PPARGC1A: variants seen among roughly 807,000 people sequenced by gnomAD.
PPARGC1A encodes the protein peroxisome proliferator-activated receptor gamma coactivator 1-alpha.
In PPARGC1A, 25 loss-of-function variants were observed where a neutral mutation model predicts 88.7. The ratio of observed to expected loss-of-function variants is 0.28; its 90% CI spans 0.21 to 0.39. The LOEUF is 0.39. Ranked by LOEUF, PPARGC1A falls within the 10% of genes least tolerant of loss-of-function variation. The pLI is 1.00. For missense variants in PPARGC1A, 880 were observed against 968.7 expected (o/e 0.91, Z 1.22); for synonymous variants, 363 against 355.6 (o/e 1.02, Z -0.24).
At chr4:24,021,696 T>C in the PPARGC1A span, among the ~76,000 whole-genome samples, 2 of 152,190 alleles carry the variant, frequency 1.3e-5, no homozygotes, top group Non-Finnish European at 2.9e-5. Flanking sequence ...TCATCACCTC[T>C]AAAAGGAAGC....
chr4:24,116,671 C>T, the PPARGC1A span, among the ~76,000 whole-genome samples: 1 of 152,258 alleles, frequency 6.6e-6, no homozygotes. Context: ...CATGCAAAGG[C>T]TCAGAAGCAA....
At chr4:24,351,378 G>C in the PPARGC1A span, among the ~76,000 whole-genome samples, 3 of 150,044 alleles carry the variant, frequency 2.0e-5, no homozygotes, top group African/African-American at 7.4e-5. Context: ...TTGGACAACA[G>C]GTGAGATCCT....
At chr4:24,343,181 C>T in the PPARGC1A span, among the ~76,000 whole-genome samples, 15 of 152,288 alleles carry the variant, frequency 9.8e-5, no homozygotes, top group African/African-American at 3.6e-4. Context: ...GTTCTGTGCC[C>T]ATACTTCCCA....
the PPARGC1A span, among the ~76,000 whole-genome samples, chr4:24,413,240 AT>A: frequency 7.2e-4 from 101 of 141,030 alleles, 1 homozygote; most frequent in Middle Eastern, 3.7e-3. Context: ...GCCTGGCTTC[AT>A]TTTTTTTTTT....
At chr4:24,359,435 C>T in the PPARGC1A span, among the ~76,000 whole-genome samples, 1 of 152,160 alleles carries the variant, frequency 6.6e-6, no homozygotes, top group African/African-American at 2.4e-5. Context: ...TGTCCAATTG[C>T]CCACATGCCA....
At chr4:24,036,898 C>T in the PPARGC1A span, among the ~76,000 whole-genome samples, 1 of 152,180 alleles carries the variant, frequency 6.6e-6, no homozygotes, top group African/African-American at 2.4e-5. Context: ...GTACTTAGAA[C>T]AACGTCAGGT....
the PPARGC1A span, among the ~76,000 whole-genome samples, chr4:24,456,148 G>T: frequency 6.6e-6 from 1 of 152,220 alleles, no homozygotes. Context: ...GTGAAAGATT[G>T]ATGGGAGAAT....
At chr4:24,097,957 A>C in the PPARGC1A span, among the ~76,000 whole-genome samples, 5 of 152,162 alleles carry the variant, frequency 3.3e-5, no homozygotes, top group East Asian at 5.8e-4. Context: ...ATTCATTTGC[A>C]TTTGTCCCGG....
chr4:23,910,323 TATTATATATTATATATATTATATATTA>T, the PPARGC1A span, among the ~76,000 whole-genome samples: 3 of 53,312 alleles, frequency 5.6e-5, no homozygotes, highest in East Asian at 9.9e-4. Context: ...ATATTATATA[TATTATATATTATATATATTATATATTA>T]TATATATTAT....
the PPARGC1A span, among the ~76,000 whole-genome samples, chr4:24,452,715 C>A: frequency 0.29 from 43,963 of 152,094 alleles, 8,306 homozygotes; most frequent in African/African-American, 0.53. Flanking sequence ...GCTGGAAACA[C>A]AAGGATAAAT....
the PPARGC1A span, among the ~76,000 whole-genome samples, chr4:24,128,942 C>G: frequency 1.3e-5 from 2 of 152,194 alleles, no homozygotes; most frequent in Non-Finnish European, 2.9e-5. Flanking sequence ...ACACCCTTCA[C>G]TCTCTGAGTA....
rs58772979 is a variant in PPARGC1A, at chr4:23,813,787, G to A, written c.1696C>T (p.Arg566Cys). 2,810 of 1,612,860 alleles carry A rather than the reference G, an allele frequency of 1.7e-3. 34 individuals are homozygous for A. The African/African-American group carries it at 0.025, about 15-fold the overall frequency. The change falls in exon 8 of 13, where the codon CGC (arginine) becomes TGC (cysteine). Residue 566 changes from arginine to cysteine, a missense_variant. Transcript: ENST00000264867. ...SLFSQRPQRMRSRSRSFSRHR... is the reference protein window; with the variant it reads ...SLFSQRPQRMCSRSRSFSRHR... ...CGAGAAAAGGACCTTGAACGAGAGC[G>A]CATCCTTTGGGGTCTTTGAGAAAAT...
chr4:24,285,441 G>A, the PPARGC1A span, among the ~76,000 whole-genome samples: 1 of 152,046 alleles, frequency 6.6e-6, no homozygotes, highest in Non-Finnish European at 1.5e-5. Flanking sequence ...AAAACAGGTG[G>A]GGGAAAAGCC....
chr4:24,318,438 TC>T, the PPARGC1A span, among the ~76,000 whole-genome samples: 1 of 152,210 alleles, frequency 6.6e-6, no homozygotes, highest in East Asian at 1.9e-4. Flanking sequence ...CAATCCAAGA[TC>T]CAAAGGAACA....
chr4:24,457,788 C>T, the PPARGC1A span, among the ~76,000 whole-genome samples: 1 of 152,080 alleles, frequency 6.6e-6, no homozygotes, highest in African/African-American at 2.4e-5. Context: ...TGGTCTCGAT[C>T]TCTTGACCTC....
At chr4:24,129,266 G>A in the PPARGC1A span, among the ~76,000 whole-genome samples, 4 of 152,100 alleles carry the variant, frequency 2.6e-5, no homozygotes, top group African/African-American at 9.7e-5. Context: ...AGAACACATA[G>A]GTTATGAGAC....
intron 2 of PPARGC1A, among the ~76,000 whole-genome samples, chr4:23,873,196 T>TAA (rs1560487726): frequency 6.1e-5 from 2 of 32,760 alleles, no homozygotes; most frequent in Non-Finnish European, 2.0e-4. Flanking sequence ...AGACTCCGTC[T>TAA]CAAAAATAAA....
At chr4:24,124,569 G>A in the PPARGC1A span, among the ~76,000 whole-genome samples, 10 of 152,148 alleles carry the variant, frequency 6.6e-5, no homozygotes, top group Non-Finnish European at 8.8e-5. Flanking sequence ...CGTCTTTGCC[G>A]AAGTGACTTG....
chr4:23,844,989 G>A (rs1197034504), intron 2 of PPARGC1A, among the ~76,000 whole-genome samples: 1 of 150,242 alleles, frequency 6.7e-6, no homozygotes, highest in African/African-American at 2.5e-5. Flanking sequence ...AAGAGTAAGG[G>A]CCAAAGGCCC....
Sources: allele counts gnomAD v4.1 joint callset (sites outside exome capture counted in the v4.1 genomes callset), GRCh38; gene constraint gnomAD v4.1.1; transcripts MANE v1.5; gene names NCBI Gene and HGNC (gene_info 2026-07-23, HGNC 2026-07-21).